AARSD1: variants seen among roughly 807,000 people sequenced by gnomAD.
AARSD1 encodes alanyl-tRNA editing protein Aarsd1.
Under a neutral mutation model 48.7 loss-of-function variants are expected in AARSD1, and 44 were observed. The observed-to-expected ratio is 0.90, with a 90% confidence interval of 0.71 to 1.16. The LOEUF is 1.16. Ranked by LOEUF, AARSD1 falls within the 50% of genes most tolerant of loss-of-function variation. The pLI is 0.00. For synonymous variants in AARSD1, 189 were observed against 194.9 expected (o/e 0.97, Z 0.25); for missense variants, 511 against 523.1 (o/e 0.98, Z 0.23).
chr17:42,953,897 T>A, intron 9 of AARSD1, 119 bp from the exon 10 acceptor site: 3 of 1,298,918 alleles, frequency 2.3e-6, no homozygotes, highest in Non-Finnish European at 3.3e-6. Flanking sequence ...AAGTCCCATA[T>A]CCCTTAGCCA....
In AARSD1 at chr17:42,964,125, A is replaced by T; in HGVS notation, c.152T>A (p.Phe51Tyr). ...FQVVLEDTVL[F>Y]PEGGGQPDDR... is the part of the protein sequence containing the mutation. Reference sequence around the variant, plus strand: ...TGGTACCTGTCCCCCGCCCTCAGGGAAAAGCACTGTGTCTTCCAGCACCAC... The same window carrying T: ...TGGTACCTGTCCCCCGCCCTCAGGGTAAAGCACTGTGTCTTCCAGCACCAC... Residue 51 changes from phenylalanine to tyrosine, a missense_variant, in exon 2 of 12, where the codon TTC becomes TAC. By Grantham distance (22) the Phe-to-Tyr change is conservative. Transcript: ENST00000427569. 6.2e-7 allele frequency: 1 copy of T among 1,614,194 alleles called. No individual in the cohort carries two copies. Among genetic ancestry groups the T allele is most frequent in the South Asian group, 1.1e-5 (1 of 91,090 alleles).
At chr17:42,953,243 G>A (rs1396430199) in intron 10 of AARSD1, among the ~76,000 whole-genome samples, 1 of 152,104 alleles carries the variant, frequency 6.6e-6, no homozygotes, top group East Asian at 1.9e-4. Flanking sequence ...GCCTCCCAAA[G>A]TGCTGGAATT....
intron 3 of AARSD1, among the ~76,000 whole-genome samples, chr17:42,959,428 C>A (rs907685065): frequency 3.3e-5 from 5 of 151,344 alleles, no homozygotes; most frequent in Non-Finnish European, 7.4e-5. Flanking sequence ...GTTGGCCAGG[C>A]TGGTCTCGAA....
chr17:42,957,018 G>A, intron 4 of AARSD1, 120 bp downstream of exon 4: 1 of 895,434 alleles, frequency 1.1e-6, no homozygotes, highest in Non-Finnish European at 1.6e-6. Context: ...GCTGCCATTT[G>A]GTGGCAATCA....
intron 2 of AARSD1, among the ~76,000 whole-genome samples, chr17:42,961,602 A>G (rs1374277988): frequency 6.6e-6 from 1 of 152,252 alleles, no homozygotes; most frequent in Non-Finnish European, 1.5e-5. Flanking sequence ...CAAAAATTTT[A>G]GTAAAACCCG....
In AARSD1 at chr17:42,956,337, G is replaced by C; in HGVS notation, c.547-17C>G. 1 of 1,614,118 alleles carries C rather than the reference G, an allele frequency of 6.2e-7. No homozygotes were observed. The highest frequency in any genetic ancestry group is 1.6e-4 in the Middle Eastern group (1 of 6,062). ...GCCACTCACCTGGACTCAAGGAGAG[G>C]GGAGGGACTGTCTGAATCTGATGAG... On this transcript the variant is annotated splice_polypyrimidine_tract_variant and intron_variant, in intron 5 of 11. Coordinates refer to ENST00000427569, the MANE Select transcript of AARSD1 (RefSeq NM_001261434.2).
intron 11 of AARSD1, 87 bp downstream of exon 11, chr17:42,951,713 G>C: frequency 7.1e-7 from 1 of 1,408,932 alleles, no homozygotes; most frequent in Non-Finnish European, 9.9e-7. Context: ...TGAGATCGCA[G>C]ATGTGATGGT....
At chr17:42,962,062 A>G (rs1567718338) in intron 2 of AARSD1, 1 of 160,476 alleles carries the variant, frequency 6.2e-6, no homozygotes, top group Non-Finnish European at 1.4e-5. Context: ...AGTACTTTGG[A>G]AGGCCGAGGT....
intron 4 of AARSD1, 100 bp from the exon 5 acceptor site, chr17:42,956,660 C>CTTTTTTTTTTTTTTT (rs36171174): frequency 1.5e-5 from 3 of 206,436 alleles, no homozygotes; most frequent in Non-Finnish European, 2.2e-5. Flanking sequence ...CCTCTCACCA[C>CTTTTTTTTTTTTTTT]TTTTTTTTTT....
intron 2 of AARSD1, among the ~76,000 whole-genome samples, chr17:42,963,787 A>G (rs570067629): frequency 6.6e-6 from 1 of 152,036 alleles, no homozygotes; most frequent in South Asian, 2.1e-4. Context: ...CTAGACAAGC[A>G]TCCCATCACT....
rs2049629558 is a variant in AARSD1 at position 42,961,054 on chromosome 17, C to G, written c.331+138G>C. ...TGTTATAACATTTAGGATATCCTTCCTGAATTACAGCTGATTCTGAATAGT... is the reference window on the plus strand; with the variant it reads ...TGTTATAACATTTAGGATATCCTTCGTGAATTACAGCTGATTCTGAATAGT... On this transcript the variant is annotated intron_variant, in intron 3 of 11. Transcript: ENST00000427569. The G allele has an allele frequency of 2.2e-6, 3 of 1,373,860 alleles. No homozygotes were observed. The African/African-American group carries it at 4.4e-5, about 20-fold the overall frequency. The allele number at this position is 1,373,860 out of a possible 1,614,324, so 85.1% of individuals were successfully genotyped here.
intron 4 of AARSD1, 104 bp from the exon 5 acceptor site, chr17:42,956,664 T>TTTTTG (rs2049558551): frequency 8.2e-7 from 1 of 1,217,320 alleles, no homozygotes; most frequent in Non-Finnish European, 1.0e-6. Flanking sequence ...TCACCACTTT[T>TTTTTG]TTTTTTTTTT....
chr17:42,959,967 ATTTTCAT>A (rs1257471678), intron 3 of AARSD1, among the ~76,000 whole-genome samples: 2 of 151,580 alleles, frequency 1.3e-5, no homozygotes, highest in Non-Finnish European at 2.9e-5. Context: ...TGGCTGCCAT[ATTTTCAT>A]TTTTAAGATT....
chr17:42,957,205 G>A lies in AARSD1; in HGVS notation c.332-10C>T. 6.2e-7 allele frequency: 1 copy of A among 1,613,514 alleles called. No homozygotes were observed. On this transcript the variant is annotated splice_polypyrimidine_tract_variant and intron_variant, in intron 3 of 11. Coordinates refer to ENST00000427569, the MANE Select transcript of AARSD1 (RefSeq NM_001261434.2). ...GTGATGAGATGCTGCCCTAAGCAAAGAGAGCCAGAGACAGGAGAAAAGTGA... is the reference window on the plus strand; with the variant it reads ...GTGATGAGATGCTGCCCTAAGCAAAAAGAGCCAGAGACAGGAGAAAAGTGA...
At chr17:42,954,467 T>A (rs1318744430) in intron 9 of AARSD1, among the ~76,000 whole-genome samples, 1 of 151,802 alleles carries the variant, frequency 6.6e-6, no homozygotes, top group Non-Finnish European at 1.5e-5. Flanking sequence ...GGGGTCTCAC[T>A]CTGTTGGTCC....
At chr17:42,962,260 G>T in intron 2 of AARSD1, 1 of 248,552 alleles carries the variant, frequency 4.0e-6, no homozygotes, top group Admixed American at 4.8e-5. Context: ...AGATCACGCC[G>T]CTGCGCTCCA....
In AARSD1 at chr17:42,950,609, T is replaced by C. The variant is rs1256013376; in HGVS notation, c.1223A>G (p.Gln408Arg). 1.2e-5 allele frequency: 20 copies of C among 1,613,960 alleles called. No individual in the cohort carries two copies. Among genetic ancestry groups the C allele is most frequent in the Non-Finnish European group, 1.6e-5 (19 of 1,179,964 alleles). The part of the protein sequence containing the change: ...QALLQDYIST[Q>R]SAKE ...CCTAAGCCCTCACTCCTTAGCACTC[T>C]GCGTGCTGATGTAGTCCTGGAGAAG... is the stretch of plus-strand genomic sequence containing the variant. Residue 408 changes from glutamine to arginine, a missense_variant, in exon 12 of 12, where the codon CAG (glutamine) becomes CGG (arginine). Physicochemically the swap from Gln to Arg is conservative, Grantham distance 43. Coordinates refer to ENST00000427569, the MANE Select transcript of AARSD1 (RefSeq NM_001261434.2).
At chr17:42,958,091 A>G (rs779938675) in intron 3 of AARSD1, among the ~76,000 whole-genome samples, 1 of 152,212 alleles carries the variant, frequency 6.6e-6, no homozygotes, top group South Asian at 2.1e-4. Context: ...AGCAGTAGAC[A>G]AGAGCCACCC....
chr17:42,953,882 A>G, intron 9 of AARSD1, 104 bp from the exon 10 acceptor site: 2 of 1,430,872 alleles, frequency 1.4e-6, no homozygotes, highest in Non-Finnish European at 2.0e-6. Flanking sequence ...GCCTATGTAC[A>G]CATAAAGTCC....
Sources: gnomAD v4.1 joint callset for allele counts (sites outside exome capture counted in the v4.1 genomes callset) on GRCh38, gnomAD v4.1.1 for gene constraint, MANE v1.5 for transcripts, NCBI Gene and HGNC (gene_info 2026-07-23, HGNC 2026-07-21) for gene names.